REDIC1: variants seen among roughly 807,000 people sequenced by gnomAD.
REDIC1 encodes the protein HEI10 Interacting Protein 1.
the REDIC1 span, among the ~76,000 whole-genome samples, chr12:39,823,046 A>G: frequency 4.6e-5 from 7 of 152,204 alleles, no homozygotes; most frequent in African/African-American, 1.7e-4. Context: ...TGAAAAAGTA[A>G]CAGCCTAGAG....
the REDIC1 span, among the ~76,000 whole-genome samples, chr12:39,843,441 A>C: frequency 6.6e-6 from 1 of 152,070 alleles, no homozygotes; most frequent in Admixed American, 6.6e-5. Context: ...CAGAAAGAAT[A>C]ATAGGGAATC....
At chr12:39,816,819 T>C in the REDIC1 span, among the ~76,000 whole-genome samples, 58 of 152,250 alleles carry the variant, frequency 3.8e-4, no homozygotes, top group African/African-American at 1.3e-3. Context: ...TGAAAAGCAA[T>C]GCTTTACTGA....
At chr12:39,654,241 A>G in the REDIC1 span, among the ~76,000 whole-genome samples, 1 of 151,956 alleles carries the variant, frequency 6.6e-6, no homozygotes, top group Admixed American at 6.6e-5. Flanking sequence ...ACCTGTTAAT[A>G]TATAACAATT....
chr12:39,806,923 C>T, the REDIC1 span, among the ~76,000 whole-genome samples: 1 of 152,078 alleles, frequency 6.6e-6, no homozygotes, highest in Non-Finnish European at 1.5e-5. Flanking sequence ...ACACATACAA[C>T]ATGAATCTCC....
At chr12:39,713,965 G>T in the REDIC1 span, among the ~76,000 whole-genome samples, 19 of 147,222 alleles carry the variant, frequency 1.3e-4, no homozygotes, top group African/African-American at 4.0e-4. Flanking sequence ...GTATATACAG[G>T]TATGTGCATA....
chr12:39,885,094 T>G, the REDIC1 span, among the ~76,000 whole-genome samples: 1 of 152,208 alleles, frequency 6.6e-6, no homozygotes, highest in African/African-American at 2.4e-5. Flanking sequence ...GAGTTGCCTT[T>G]CAGGCAGGGG....
the REDIC1 span, among the ~76,000 whole-genome samples, chr12:39,782,198 G>A: frequency 6.6e-6 from 1 of 152,160 alleles, no homozygotes; most frequent in Non-Finnish European, 1.5e-5. Context: ...CTGCTGTTAA[G>A]AAACCTTTGT....
the REDIC1 span, among the ~76,000 whole-genome samples, chr12:39,715,940 G>T: frequency 6.6e-6 from 1 of 151,894 alleles, no homozygotes; most frequent in South Asian, 2.1e-4. Flanking sequence ...GCTTTTCGGG[G>T]GTATAAATTT....
chr12:39,737,888 C>T, the REDIC1 span, among the ~76,000 whole-genome samples: 2 of 152,188 alleles, frequency 1.3e-5, no homozygotes, highest in Non-Finnish European at 2.9e-5. Context: ...TAGCTACATT[C>T]CATCCTGTGG....
chr12:39,722,498 A>T, the REDIC1 span, among the ~76,000 whole-genome samples: 1 of 152,166 alleles, frequency 6.6e-6, no homozygotes, highest in Admixed American at 6.6e-5. Flanking sequence ...TGCATACTAT[A>T]GCAGTGAACA....
the REDIC1 span, among the ~76,000 whole-genome samples, chr12:39,767,860 C>T: frequency 1.3e-5 from 2 of 152,122 alleles, no homozygotes; most frequent in East Asian, 1.9e-4. Context: ...TCCTTCCTGT[C>T]GCCATGTGAA....
chr12:39,852,735 T>A, the REDIC1 span, among the ~76,000 whole-genome samples: 5 of 152,212 alleles, frequency 3.3e-5, no homozygotes, highest in Non-Finnish European at 5.9e-5. Context: ...CTTTCTGCAT[T>A]GCAGATGAAA....
At chr12:39,728,284 A>C in the REDIC1 span, among the ~76,000 whole-genome samples, 2 of 152,162 alleles carry the variant, frequency 1.3e-5, no homozygotes, top group Non-Finnish European at 1.5e-5. Flanking sequence ...TGGGTTTGTC[A>C]TAAATAGCTC....
chr12:39,676,482 A>G, the REDIC1 span, among the ~76,000 whole-genome samples: 1 of 152,314 alleles, frequency 6.6e-6, no homozygotes, highest in Middle Eastern at 3.4e-3. Context: ...CATAAGAATA[A>G]TCAGTGTTCC....
At chr12:39,844,808 AC>A in the REDIC1 span, among the ~76,000 whole-genome samples, 1 of 152,016 alleles carries the variant, frequency 6.6e-6, no homozygotes, top group Non-Finnish European at 1.5e-5. Flanking sequence ...ATAAAGAAAT[AC>A]CTAAAGAAAG....
chr12:39,681,580 TA>T, the REDIC1 span, among the ~76,000 whole-genome samples: 1 of 152,226 alleles, frequency 6.6e-6, no homozygotes, highest in South Asian at 2.1e-4. Context: ...TGGTGTATAT[TA>T]GTGCATACTA....
the REDIC1 span, among the ~76,000 whole-genome samples, chr12:39,705,145 A>G: frequency 6.6e-6 from 1 of 152,198 alleles, no homozygotes; most frequent in African/African-American, 2.4e-5. Flanking sequence ...AATAGCTTAT[A>G]ACAGGAATTC....
the REDIC1 span, among the ~76,000 whole-genome samples, chr12:39,803,342 C>T: frequency 6.6e-6 from 1 of 151,996 alleles, no homozygotes; most frequent in Non-Finnish European, 1.5e-5. Flanking sequence ...CTACCGTGAT[C>T]AGTAGCCAGT....
the REDIC1 span, among the ~76,000 whole-genome samples, chr12:39,631,727 G>C: frequency 6.6e-6 from 1 of 152,136 alleles, no homozygotes; most frequent in Non-Finnish European, 1.5e-5. Context: ...TGTAGAGAAA[G>C]TATTTTCTCA....
Sources: gnomAD v4.1 joint callset for allele counts (sites outside exome capture counted in the v4.1 genomes callset) on GRCh38, gnomAD v4.1.1 for gene constraint, MANE v1.5 for transcripts, NCBI Gene and HGNC (gene_info 2026-07-23, HGNC 2026-07-21) for gene names.